The following BABAM2 variants were observed in gnomAD, a reference collection of about 807,000 sequenced individuals.
BABAM2 encodes BRISC and BRCA1 A complex member 2, also known as BRISC and BRCA1-A complex member 2.
BABAM2 carries 31 observed loss-of-function variants against 54.7 expected under a neutral mutation model. That is an observed-to-expected ratio of 0.57 (90% CI 0.43 to 0.77). BABAM2 has a LOEUF of 0.77. Ranked by LOEUF, BABAM2 falls within the 30% of genes least tolerant of loss-of-function variation. The pLI is 0.00. For missense variants in BABAM2, 364 were observed against 455.8 expected (o/e 0.80, Z 1.83); for synonymous variants, 167 against 162.9 (o/e 1.03, Z -0.19).
chr2:28,026,940 A>G (rs1239574353), intron 5 of BABAM2, among the ~76,000 whole-genome samples: 1 of 8,124 alleles, frequency 1.2e-4, no homozygotes, highest in Admixed American at 2.8e-3. Context: ...ATATATATAA[A>G]TATATATTAA....
intron 7 of BABAM2, among the ~76,000 whole-genome samples, chr2:28,197,491 T>C (rs895592585): frequency 1.3e-5 from 2 of 152,234 alleles, no homozygotes; most frequent in Non-Finnish European, 2.9e-5. Context: ...GCATGGCAGA[T>C]TGATTTAAAA....
At chr2:27,973,124 A>G (rs953571863) in intron 3 of BABAM2, among the ~76,000 whole-genome samples, 3 of 151,998 alleles carry the variant, frequency 2.0e-5, no homozygotes, top group Admixed American at 6.6e-5. Flanking sequence ...CCTGCACCCT[A>G]TCTCTCTCAT....
At chr2:28,022,827 T>G (rs1249885819) in intron 4 of BABAM2, among the ~76,000 whole-genome samples, 6 of 152,234 alleles carry the variant, frequency 3.9e-5, no homozygotes, top group Admixed American at 1.3e-4. Context: ...TATCTCCTAC[T>G]CAAGAGAATG....
intron 2 of BABAM2, among the ~76,000 whole-genome samples, chr2:27,900,039 C>T (rs1665658125): frequency 1.3e-5 from 2 of 152,158 alleles, no homozygotes; most frequent in Non-Finnish European, 2.9e-5. Context: ...GTGAATTTCT[C>T]GTTTCTGTAA....
At chr2:28,257,313 A>G (rs1684058568) in intron 10 of BABAM2, among the ~76,000 whole-genome samples, 1 of 152,150 alleles carries the variant, frequency 6.6e-6, no homozygotes, top group South Asian at 2.1e-4. Flanking sequence ...AACATTTTCT[A>G]TTATGTTAAA....
At chr2:28,025,885 A>T (rs1275724998) in intron 5 of BABAM2, among the ~76,000 whole-genome samples, 7 of 152,172 alleles carry the variant, frequency 4.6e-5, no homozygotes, top group South Asian at 2.1e-4. Flanking sequence ...TAATTATATG[A>T]TCCTTTAAAA....
At chr2:28,052,054 G>A (rs551886880) in intron 6 of BABAM2, among the ~76,000 whole-genome samples, 1 of 152,260 alleles carries the variant, frequency 6.6e-6, no homozygotes, top group East Asian at 1.9e-4. Context: ...TGATAGGGAT[G>A]GTGAGAGTAG....
At chr2:28,271,413 C>T (rs1031585368) in intron 10 of BABAM2, among the ~76,000 whole-genome samples, 7 of 150,232 alleles carry the variant, frequency 4.7e-5, no homozygotes, top group Non-Finnish European at 5.9e-5. Context: ...TTCCTCTCCT[C>T]GTGGCCTGGG....
chr2:28,327,191 A>C, intron 11 of BABAM2: 1 of 1,413,794 alleles, frequency 7.1e-7, no homozygotes, highest in South Asian at 1.5e-5. Context: ...GAGGCTCAGG[A>C]GCCCATTAGG....
Position 28,084,992 on chromosome 2 carries a change from GA to G in BABAM2, c.570+39196del, listed in dbSNP as rs1172980963. On this transcript the variant is annotated intron_variant, in intron 6 of 11. Transcript: ENST00000379624. ...TCTTTATTTGGGTTTTAAAAAAACGGAAAGAAGACAGCTCTTACAGAATGAA... is the reference window on the plus strand; with the variant it reads ...TCTTTATTTGGGTTTTAAAAAAACGGAAGAAGACAGCTCTTACAGAATGAA... Among the ~76,000 whole-genome samples, 10 of 152,192 alleles carry G rather than the reference GA, an allele frequency of 6.6e-5. No individual in the cohort carries two copies. The South Asian group carries it at 2.1e-3, about 32-fold the overall frequency.
rs753765833 is a variant in BABAM2, at chr2:27,917,014, CTT to C, written c.129-12797_129-12796del. On this transcript the variant is annotated intron_variant, in intron 2 of 11. Transcript: ENST00000379624. The stretch of plus-strand genomic sequence containing the variant: ...CTCTTATAGCAATAATCACTCCAAA[CTT>C]TTTTTTTTTTTTTTTTTTTTGTGAC... Among the ~76,000 whole-genome samples, 324 of 90,082 alleles carry C rather than the reference CTT, an allele frequency of 3.6e-3. 1 individual carries two copies. Among genetic ancestry groups the C allele is most frequent in the African/African-American group, 0.01 (249 of 24,396 alleles). The allele number at this position is 90,082 out of a possible 152,430, so 59.1% of individuals were successfully genotyped here. A position where few individuals can be genotyped will look rare whatever the true frequency, so the allele number is the denominator to read the frequency against.
intron 3 of BABAM2, among the ~76,000 whole-genome samples, chr2:27,963,312 A>C (rs879862026): frequency 6.6e-6 from 1 of 152,130 alleles, no homozygotes; most frequent in African/African-American, 2.4e-5. Context: ...TCTACTAAAA[A>C]TACAGAAATT....
Position 28,316,277 on chromosome 2 carries a change from G to A in BABAM2, c.1088+17786G>A, listed in dbSNP as rs115998848. Among the ~76,000 whole-genome samples the A allele has an allele frequency of 7.3e-3, 1,116 of 152,076 alleles. 10 individuals carry two copies. Among genetic ancestry groups the A allele is most frequent in the African/African-American group, 0.025 (1,057 of 41,494 alleles). On this transcript the variant is annotated intron_variant, in intron 11 of 11. Coordinates refer to ENST00000379624, the MANE Select transcript of BABAM2 (RefSeq NM_199191.3). ...CACCTGCCTGCTAGCCTTGTCTCTC[G>A]GGTGATAAAGGCTCCACGCAGCAGG... is the stretch of plus-strand genomic sequence containing the variant.
At position 28,292,541 on chromosome 2, in the gene BABAM2, C is replaced by A. The variant is rs550996577; in HGVS notation, c.935-5797C>A. Among the ~76,000 whole-genome samples the A allele has an allele frequency of 2.0e-5, 3 of 152,288 alleles. No homozygotes were observed. The South Asian group carries it at 6.2e-4, about 32-fold the overall frequency. On this transcript the variant is annotated intron_variant, in intron 10 of 11. Transcript: ENST00000379624. ...AGAGGTTTAATAGTAAAGATTGTCT[C>A]ACATAACAAGAAATCCAGAGCTGGG... is the stretch of plus-strand genomic sequence containing the variant.
chr2:27,894,471 G>T (rs537140995), intron 1 of BABAM2, 62 bp from the exon 2 acceptor site: 1 of 1,495,720 alleles, frequency 6.7e-7, no homozygotes, highest in Admixed American at 1.7e-5. Flanking sequence ...CAGTTTTCAG[G>T]CAGAGTGTTG....
At chr2:28,201,182 A>T (rs565834550) in intron 7 of BABAM2, among the ~76,000 whole-genome samples, 1 of 152,094 alleles carries the variant, frequency 6.6e-6, no homozygotes, top group African/African-American at 2.4e-5. Flanking sequence ...GTGGTATTAA[A>T]TTGTTTTTTA....
intron 4 of BABAM2, among the ~76,000 whole-genome samples, chr2:28,005,092 C>G (rs989190673): frequency 4.6e-5 from 7 of 152,052 alleles, no homozygotes; most frequent in Non-Finnish European, 8.8e-5. Flanking sequence ...AAAGCATTTT[C>G]AAGTTGGGAA....
intron 6 of BABAM2, among the ~76,000 whole-genome samples, chr2:28,089,133 G>A (rs1288667937): frequency 6.6e-6 from 1 of 152,006 alleles, no homozygotes; most frequent in Non-Finnish European, 1.5e-5. Context: ...CTGGCCCCAA[G>A]TGTCTGTGAT....
Position 27,894,666 on chromosome 2 carries a change from T to C in BABAM2, c.110T>C (p.Ile37Thr). Residue 37 changes from isoleucine (I) to threonine (T), a missense_variant, in exon 2 of 12, where the codon ATA becomes ACA. By Grantham distance (89) the Ile-to-Thr change is moderately conservative (BLOSUM62 -1). Coordinates refer to ENST00000379624, the MANE Select transcript of BABAM2 (RefSeq NM_199191.3). ...VGLDATNCLR[I>T]TDLKSGCTSL... ...CTGGATGCTACAAACTGTTTGAGGA[T>C]AACTGACTTAAAATCTGGGTATGTA... 6.2e-7 allele frequency: 1 copy of C among 1,614,174 alleles called. No homozygotes were observed. Among genetic ancestry groups the C allele is most frequent in the African/African-American group, 1.3e-5 (1 of 75,034 alleles).
Sources: gnomAD v4.1 joint callset for allele counts (sites outside exome capture counted in the v4.1 genomes callset) on GRCh38, gnomAD v4.1.1 for gene constraint, MANE v1.5 for transcripts, NCBI Gene and HGNC (gene_info 2026-07-23, HGNC 2026-07-21) for gene names.